The following DENND5A variants were observed in gnomAD, a reference collection of about 807,000 sequenced individuals.
DENND5A encodes DENN domain-containing protein 5A.
In DENND5A, 64 loss-of-function variants were observed where a neutral mutation model predicts 140.3. The ratio of observed to expected loss-of-function variants is 0.46; its 90% CI spans 0.37 to 0.56. The LOEUF is 0.56. Ranked by LOEUF, DENND5A falls within the 20% of genes least tolerant of loss-of-function variation. The pLI is 0.00. For synonymous variants in DENND5A, 605 were observed against 607.7 expected (o/e 1.00, Z 0.07); for missense variants, 1,292 against 1,593.8 (o/e 0.81, Z 3.22).
intron 1 of DENND5A, among the ~76,000 whole-genome samples, chr11:9,257,080 G>A (rs1043602549): frequency 3.3e-5 from 5 of 151,776 alleles, no homozygotes; most frequent in African/African-American, 7.3e-5. Context: ...GCGCCATCTC[G>A]GCTCACTGCA....
intron 1 of DENND5A, among the ~76,000 whole-genome samples, chr11:9,254,306 C>T (rs939753061): frequency 6.6e-6 from 1 of 152,072 alleles, no homozygotes. Flanking sequence ...CCACTGTACC[C>T]TAGCCTGGGT....
At chr11:9,162,787 C>G (rs1848032380) in intron 11 of DENND5A, among the ~76,000 whole-genome samples, 1 of 151,996 alleles carries the variant, frequency 6.6e-6, no homozygotes, top group East Asian at 1.9e-4. Context: ...GTAGCCTCAG[C>G]TTCCCAGATT....
chr11:9,141,884 C>T (rs1373784708), intron 22 of DENND5A, 56 bp downstream of exon 22: 3 of 1,491,426 alleles, frequency 2.0e-6, no homozygotes, highest in African/African-American at 1.4e-5. Context: ...CACCAGGCCT[C>T]CAACACCACC....
chr11:9,258,012 C>A (rs1252286485), intron 1 of DENND5A, among the ~76,000 whole-genome samples: 3 of 151,932 alleles, frequency 2.0e-5, no homozygotes, highest in African/African-American at 7.3e-5. Context: ...AGGCTGGTCT[C>A]AAACTCCTGA....
chr11:9,231,615 TG>T (rs1554931301), intron 1 of DENND5A, among the ~76,000 whole-genome samples: 4 of 147,948 alleles, frequency 2.7e-5, no homozygotes, highest in Non-Finnish European at 1.5e-5. Flanking sequence ...CTCAGGAGAC[TG>T]AGGCAAGAGA....
At chr11:9,143,181 C>T (rs1847305506) in intron 20 of DENND5A, 1 of 606,494 alleles carries the variant, frequency 1.6e-6, no homozygotes, top group African/African-American at 1.9e-5. Context: ...CCCAGGGACT[C>T]TATTGGGTCA....
At chr11:9,153,258 G>A (rs1440129576) in intron 12 of DENND5A, among the ~76,000 whole-genome samples, 4 of 143,228 alleles carry the variant, frequency 2.8e-5, no homozygotes, top group African/African-American at 1.0e-4. Flanking sequence ...GGAGGTGGAG[G>A]GAGTTGAACC....
chr11:9,167,736 G>T (rs191710065), intron 10 of DENND5A, among the ~76,000 whole-genome samples: 1 of 152,272 alleles, frequency 6.6e-6, no homozygotes, highest in East Asian at 1.9e-4. Flanking sequence ...CTTGGAGGCA[G>T]AGGTTGCAGT....
intron 4 of DENND5A, among the ~76,000 whole-genome samples, chr11:9,200,198 A>AT (rs1327939322): frequency 6.6e-6 from 1 of 152,150 alleles, no homozygotes; most frequent in African/African-American, 2.4e-5. Flanking sequence ...AACACCCCCA[A>AT]TGCCTAAAAG....
chr11:9,227,732 A>G (rs911686503), intron 1 of DENND5A, among the ~76,000 whole-genome samples: 11 of 151,854 alleles, frequency 7.2e-5, no homozygotes, highest in African/African-American at 2.7e-4. Flanking sequence ...CCAAGATGGG[A>G]GGATCACCTG....
At chr11:9,174,302 G>A (rs955501042) in intron 8 of DENND5A, among the ~76,000 whole-genome samples, 6 of 151,402 alleles carry the variant, frequency 4.0e-5, no homozygotes, top group Non-Finnish European at 7.4e-5. Flanking sequence ...GTTAAAAACC[G>A]GAAACTGTCA....
At chr11:9,177,058 C>T (rs559302508) in intron 8 of DENND5A, among the ~76,000 whole-genome samples, 4 of 151,940 alleles carry the variant, frequency 2.6e-5, no homozygotes, top group Non-Finnish European at 5.9e-5. Flanking sequence ...AGTTCGAGGC[C>T]AGCCTGGGCA....
chr11:9,146,882 A>C, intron 16 of DENND5A, 148 bp downstream of exon 16: 2 of 847,282 alleles, frequency 2.4e-6, no homozygotes. Flanking sequence ...AAGGAGGGCA[A>C]GTGCACCTCT....
At chr11:9,230,029 C>T (rs1461554022) in intron 1 of DENND5A, among the ~76,000 whole-genome samples, 4 of 150,106 alleles carry the variant, frequency 2.7e-5, no homozygotes, top group African/African-American at 9.8e-5. Context: ...CTCAGCCTCC[C>T]GAGTAGCTGG....
chr11:9,260,409 A>G (rs1449599073), intron 1 of DENND5A, among the ~76,000 whole-genome samples: 1 of 152,164 alleles, frequency 6.6e-6, no homozygotes. Context: ...GAAAAAGAAG[A>G]TTCACCAGGA....
At chr11:9,226,115 TCAC>T (rs1009226540) in intron 1 of DENND5A, among the ~76,000 whole-genome samples, 2 of 152,182 alleles carry the variant, frequency 1.3e-5, no homozygotes, top group African/African-American at 4.8e-5. Flanking sequence ...ATCATCATCA[TCAC>T]CATTATCATC....
intron 5 of DENND5A, among the ~76,000 whole-genome samples, chr11:9,190,516 C>A (rs374572260): frequency 1.3e-5 from 2 of 152,144 alleles, no homozygotes; most frequent in Non-Finnish European, 2.9e-5. Flanking sequence ...CTGCTGCCAT[C>A]CATGTAAGAC....
intron 2 of DENND5A, among the ~76,000 whole-genome samples, 184 bp downstream of exon 2, chr11:9,207,377 C>T (rs567543451): frequency 6.6e-6 from 1 of 152,044 alleles, no homozygotes; most frequent in African/African-American, 2.4e-5. Context: ...GAAATAACAA[C>T]ATTAAAGTGA....
intron 6 of DENND5A, among the ~76,000 whole-genome samples, chr11:9,179,917 G>C (rs1848670753): frequency 6.6e-6 from 1 of 152,074 alleles, no homozygotes; most frequent in Non-Finnish European, 1.5e-5. Flanking sequence ...CAGAAAAAAT[G>C]AAATATTTCA....
Sources: gnomAD v4.1 joint callset for allele counts (sites outside exome capture counted in the v4.1 genomes callset) on GRCh38, gnomAD v4.1.1 for gene constraint, MANE v1.5 for transcripts, NCBI Gene and HGNC (gene_info 2026-07-23, HGNC 2026-07-21) for gene names.